ROBO1: variants seen among roughly 807,000 people sequenced by gnomAD.
The protein encoded by ROBO1 is roundabout homolog 1.
In ROBO1, 149 loss-of-function variants were observed where a neutral mutation model predicts 195.9. The observed-to-expected ratio is 0.76, with a 90% CI of 0.67 to 0.87. The LOEUF (loss-of-function observed/expected upper bound fraction) is 0.87. Ranked by LOEUF, ROBO1 falls within the 40% of genes least tolerant of loss-of-function variation. The pLI, the probability that ROBO1 is intolerant of heterozygous loss-of-function variation, is 0.00. For synonymous variants in ROBO1, 816 were observed against 733.2 expected (o/e 1.11, Z -1.82); for missense variants, 1,933 against 2,068.3 (o/e 0.93, Z 1.27).
Position 79,439,496 on chromosome 3 carries a change from T to C in ROBO1, c.88+150328A>G, listed in dbSNP as rs183683294. ...TTAGGTATGCTTTTGTTCTTCTTCA[T>C]GTGCTAAGTTGAGAGGACACATATA... On this transcript the variant is annotated intron_variant, in intron 2 of 30. Transcript: ENST00000464233. Among the ~76,000 whole-genome samples the C allele has an allele frequency of 1.8e-3, 267 of 152,238 alleles. 1 individual carries two copies. Among genetic ancestry groups the C allele is most frequent in the Middle Eastern group, 0.014 (4 of 294 alleles).
chr3:79,092,250 G>A (rs1349327361), intron 3 of ROBO1, among the ~76,000 whole-genome samples: 1 of 152,096 alleles, frequency 6.6e-6, no homozygotes, highest in African/African-American at 2.4e-5. Flanking sequence ...ATCTTGTCCC[G>A]AAGATCGCAA....
At chr3:78,947,557 C>T (rs1178649416) in intron 3 of ROBO1, among the ~76,000 whole-genome samples, 3 of 152,044 alleles carry the variant, frequency 2.0e-5, no homozygotes, top group Non-Finnish European at 4.4e-5. Flanking sequence ...ACTAAATGCC[C>T]ACAAGGAAAA....
intron 2 of ROBO1, among the ~76,000 whole-genome samples, chr3:79,435,055 G>T (rs2038835699): frequency 6.6e-6 from 1 of 151,986 alleles, no homozygotes; most frequent in Non-Finnish European, 1.5e-5. Context: ...ACATACCAGG[G>T]CCTGTCGTGG....
intron 4 of ROBO1, among the ~76,000 whole-genome samples, chr3:78,815,356 A>G (rs1020026856): frequency 6.6e-6 from 1 of 152,188 alleles, no homozygotes; most frequent in African/African-American, 2.4e-5. Context: ...TACTTGAAAG[A>G]GATTAGGAGT....
chr3:78,943,188 C>A (rs112400824), intron 3 of ROBO1, among the ~76,000 whole-genome samples: 30 of 152,256 alleles, frequency 2.0e-4, no homozygotes, highest in African/African-American at 1.2e-4. Context: ...TGCACTCCAG[C>A]CTGGGCGACA....
chr3:79,292,673 T>G (rs2032327245), intron 2 of ROBO1, among the ~76,000 whole-genome samples: 1 of 152,178 alleles, frequency 6.6e-6, no homozygotes, highest in Admixed American at 6.5e-5. Flanking sequence ...CATTACGGAT[T>G]ATGTTTACAG....
chr3:79,176,014 C>A (rs1490956294), intron 2 of ROBO1, among the ~76,000 whole-genome samples: 1 of 152,186 alleles, frequency 6.6e-6, no homozygotes, highest in East Asian at 1.9e-4. Flanking sequence ...GAAGGTTACG[C>A]TGATCAACTG....
chr3:79,621,503 G>A (rs769120630), intron 1 of ROBO1, among the ~76,000 whole-genome samples: 1 of 152,148 alleles, frequency 6.6e-6, no homozygotes, highest in Non-Finnish European at 1.5e-5. Flanking sequence ...AATCCTAAAA[G>A]CATTTAGAGA....
At chr3:78,834,343 T>C (rs2032507131) in intron 4 of ROBO1, among the ~76,000 whole-genome samples, 5 of 151,466 alleles carry the variant, frequency 3.3e-5, no homozygotes, top group Non-Finnish European at 1.5e-5. Context: ...GGCTTAGGTG[T>C]ATTTACTAGA....
chr3:78,675,035 C>T (rs913788014), intron 10 of ROBO1, among the ~76,000 whole-genome samples: 2 of 151,926 alleles, frequency 1.3e-5, no homozygotes, highest in African/African-American at 2.4e-5. Flanking sequence ...GGAGCCAGTA[C>T]ATGTATAATA....
intron 2 of ROBO1, among the ~76,000 whole-genome samples, chr3:79,364,970 C>G (rs944317415): frequency 1.3e-5 from 2 of 152,140 alleles, no homozygotes; most frequent in Admixed American, 1.3e-4. Context: ...TTTCTGAATA[C>G]CTGGGGAAAC....
chr3:78,719,109 G>A (rs1322020860), intron 5 of ROBO1, among the ~76,000 whole-genome samples: 1 of 152,126 alleles, frequency 6.6e-6, no homozygotes, highest in African/African-American at 2.4e-5. Context: ...TATGAGTTTA[G>A]AACTTGATTT....
At chr3:78,977,747 G>T (rs886427502) in intron 3 of ROBO1, among the ~76,000 whole-genome samples, 1 of 151,942 alleles carries the variant, frequency 6.6e-6, no homozygotes, top group Non-Finnish European at 1.5e-5. Context: ...ACATTTGGAG[G>T]TTCCTTACTC....
intron 2 of ROBO1, among the ~76,000 whole-genome samples, chr3:79,224,576 A>G (rs1043144426): frequency 6.6e-6 from 1 of 152,248 alleles, no homozygotes; most frequent in African/African-American, 2.4e-5. Context: ...TGCTCATAGT[A>G]CCATTGATTC....
chr3:79,000,705 CAGTGTGGTGATTCCTCAAGGATCT>C (rs1360153213), intron 3 of ROBO1, among the ~76,000 whole-genome samples: 2 of 152,144 alleles, frequency 1.3e-5, no homozygotes, highest in East Asian at 3.9e-4. Context: ...TTGTGGAAGA[CAGTGTGGTGATTCCTCAAGGATCT>C]AGAACCAGAA....
At chr3:78,813,590 T>C (rs551333769) in intron 4 of ROBO1, among the ~76,000 whole-genome samples, 112 of 152,246 alleles carry the variant, frequency 7.4e-4, no homozygotes, top group African/African-American at 2.6e-3. Context: ...AATATATTTT[T>C]GTCATTCACA....
chr3:79,449,289 G>T (rs2039369096), intron 2 of ROBO1, among the ~76,000 whole-genome samples: 1 of 151,228 alleles, frequency 6.6e-6, no homozygotes, highest in Non-Finnish European at 1.5e-5. Context: ...GAGCTCCTCA[G>T]ATACAATAAA....
At chr3:79,024,642 C>G (rs968426303) in intron 3 of ROBO1, among the ~76,000 whole-genome samples, 1 of 152,226 alleles carries the variant, frequency 6.6e-6, no homozygotes, top group South Asian at 2.1e-4. Context: ...TTTTAATATG[C>G]AGATGAGCAT....
At chr3:79,503,102 C>G (rs1321216647) in intron 2 of ROBO1, among the ~76,000 whole-genome samples, 1 of 152,154 alleles carries the variant, frequency 6.6e-6, no homozygotes, top group Non-Finnish European at 1.5e-5. Context: ...ATAAATCTCG[C>G]TGCTGCTCAC....
Sources: gnomAD v4.1 joint callset for allele counts (sites outside exome capture counted in the v4.1 genomes callset) on GRCh38, gnomAD v4.1.1 for gene constraint, MANE v1.5 for transcripts, NCBI Gene and HGNC (gene_info 2026-07-23, HGNC 2026-07-21) for gene names.